Variants in ADK observed in about 807,000 individuals in gnomAD.
ADK encodes N6,N6-dimethyladenosine kinase.
In ADK, 24 loss-of-function variants were observed where a neutral mutation model predicts 44.7. The observed-to-expected ratio is 0.54, with a 90% CI of 0.39 to 0.76. The LOEUF is 0.76. ADK is among the 30% of genes least tolerant of loss of function. The probability of loss-of-function intolerance (pLI) is 0.00; values close to 1 mark genes in which losing one functional copy is unlikely to be tolerated. For synonymous variants in ADK, 128 were observed against 142.6 expected (o/e 0.90, Z 0.73); for missense variants, 321 against 425.1 (o/e 0.76, Z 2.15).
At chr10:74,401,639 T>C (rs1451756428) in intron 6 of ADK, among the ~76,000 whole-genome samples, 1 of 152,178 alleles carries the variant, frequency 6.6e-6, no homozygotes, top group Non-Finnish European at 1.5e-5. Flanking sequence ...TGTGTGTCTC[T>C]GCATGTGAGA....
intron 3 of ADK, among the ~76,000 whole-genome samples, chr10:74,230,303 C>G (rs1396539658): frequency 6.6e-6 from 1 of 151,340 alleles, no homozygotes; most frequent in African/African-American, 2.4e-5. Flanking sequence ...AGAAATGAAC[C>G]CTTGAACCAA....
chr10:74,362,855 C>T (rs553974920), intron 4 of ADK, among the ~76,000 whole-genome samples: 2 of 152,334 alleles, frequency 1.3e-5, no homozygotes, highest in Admixed American at 1.3e-4. Context: ...AGATGGACCT[C>T]GGGAAGACCC....
chr10:74,188,846 T>C (rs764052751), intron 1 of ADK, among the ~76,000 whole-genome samples: 4 of 151,988 alleles, frequency 2.6e-5, no homozygotes, highest in Non-Finnish European at 5.9e-5. Flanking sequence ...GATCTTCGTT[T>C]ACTGCAACCT....
rs926499115 is a variant in ADK at position 74,675,381 on chromosome 10, G to A, written c.964+5112G>A. Reference sequence around the variant, plus strand: ...AATTAAATTCGTAGTTCCATCTCACGGGTTTAGTGACAGTAACAAATCCCT... The same window carrying A: ...AATTAAATTCGTAGTTCCATCTCACAGGTTTAGTGACAGTAACAAATCCCT... On this transcript the variant is annotated intron_variant, in intron 10 of 10. Transcript: ENST00000539909. Among the ~76,000 whole-genome samples, 29 of 152,082 alleles carry A rather than the reference G, an allele frequency of 1.9e-4. 1 individual carries two copies. The highest frequency in any genetic ancestry group is 5.3e-4 in the African/African-American group (22 of 41,396).
At chr10:74,511,686 C>G (rs890387250) in intron 6 of ADK, among the ~76,000 whole-genome samples, 1 of 152,058 alleles carries the variant, frequency 6.6e-6, no homozygotes, top group Non-Finnish European at 1.5e-5. Context: ...TTTATCAGTT[C>G]TAAGAGTTTT....
chr10:74,338,806 G>A (rs1219539285), intron 4 of ADK, among the ~76,000 whole-genome samples: 1 of 152,176 alleles, frequency 6.6e-6, no homozygotes, highest in Non-Finnish European at 1.5e-5. Context: ...GGGAGTTGCA[G>A]GAGAGGGCTT....
intron 4 of ADK, among the ~76,000 whole-genome samples, chr10:74,381,118 T>C (rs1842965325): frequency 6.6e-6 from 1 of 152,220 alleles, no homozygotes; most frequent in Admixed American, 6.5e-5. Context: ...AATTGTTCTT[T>C]GTCAAGTTAA....
In ADK at chr10:74,610,767, G is replaced by A. The variant is rs572154958; in HGVS notation, c.877+10274G>A. On this transcript the variant is annotated intron_variant, in intron 9 of 10. Coordinates refer to ENST00000539909, the MANE Select transcript of ADK (RefSeq NM_006721.4). ...TGTTTATAAACTGGAAAAACTAACAGTGTTCTTTACCTGTTGGAGAGCAAC... is the reference window on the plus strand; with the variant it reads ...TGTTTATAAACTGGAAAAACTAACAATGTTCTTTACCTGTTGGAGAGCAAC... Among the ~76,000 whole-genome samples the A allele has an allele frequency of 3.3e-5, 5 of 152,096 alleles. No homozygotes were observed. The South Asian group carries it at 8.4e-4, about 25-fold the overall frequency.
chr10:74,504,735 A>C (rs936678732), intron 6 of ADK, among the ~76,000 whole-genome samples: 1 of 152,076 alleles, frequency 6.6e-6, no homozygotes, highest in East Asian at 1.9e-4. Flanking sequence ...TGTTCTTGTG[A>C]TAGTGAGTTC....
intron 7 of ADK, among the ~76,000 whole-genome samples, chr10:74,541,743 T>G (rs1849634046): frequency 6.9e-6 from 1 of 144,222 alleles, no homozygotes; most frequent in African/African-American, 2.6e-5. Flanking sequence ...CATTGAGCCA[T>G]GATTGCCACC....
At chr10:74,502,506 C>T (rs1847917514) in intron 6 of ADK, among the ~76,000 whole-genome samples, 1 of 152,002 alleles carries the variant, frequency 6.6e-6, no homozygotes, top group Non-Finnish European at 1.5e-5. Context: ...CTGCAACCTT[C>T]TATGATTGCA....
At chr10:74,203,685 T>C (rs1274729956) in intron 2 of ADK, among the ~76,000 whole-genome samples, 1 of 152,034 alleles carries the variant, frequency 6.6e-6, no homozygotes, top group Non-Finnish European at 1.5e-5. Context: ...TGTACGACAC[T>C]GTTTTGATTA....
chr10:74,355,905 A>G (rs559126307), intron 4 of ADK, among the ~76,000 whole-genome samples: 1 of 151,980 alleles, frequency 6.6e-6, no homozygotes, highest in Non-Finnish European at 1.5e-5. Flanking sequence ...TTTGCCAATC[A>G]ATCCACGGTA....
intron 7 of ADK, among the ~76,000 whole-genome samples, chr10:74,576,967 T>G (rs1488787073): frequency 6.6e-6 from 1 of 152,130 alleles, no homozygotes; most frequent in Non-Finnish European, 1.5e-5. Flanking sequence ...GCTATTTCAT[T>G]ATTAAATGCA....
intron 9 of ADK, among the ~76,000 whole-genome samples, chr10:74,607,578 T>C (rs1336464692): frequency 6.6e-6 from 1 of 152,244 alleles, no homozygotes; most frequent in African/African-American, 2.4e-5. Flanking sequence ...TTCTGGCTTA[T>C]AGGGTTTCTG....
intron 9 of ADK, chr10:74,661,238 G>A (rs1180294316): frequency 1.2e-6 from 1 of 808,940 alleles, no homozygotes; most frequent in Non-Finnish European, 1.5e-6. Flanking sequence ...GTTAACTGCT[G>A]TGTAACAATG....
intron 6 of ADK, among the ~76,000 whole-genome samples, chr10:74,439,094 G>A (rs1402668466): frequency 6.6e-6 from 1 of 152,144 alleles, no homozygotes; most frequent in East Asian, 1.9e-4. Flanking sequence ...GTACTAAAAG[G>A]TGAGAAAGTT....
chr10:74,281,453 T>C (rs1166255809), intron 3 of ADK, among the ~76,000 whole-genome samples: 1 of 152,214 alleles, frequency 6.6e-6, no homozygotes, highest in East Asian at 1.9e-4. Context: ...TCCTAGACAT[T>C]AAATTGTTAC....
At chr10:74,398,385 C>A in intron 5 of ADK, 86 bp from the exon 6 acceptor site, 1 of 795,612 alleles carries the variant, frequency 1.3e-6, no homozygotes, top group Non-Finnish European at 2.0e-6. Context: ...AAATTTTAAA[C>A]TTTGCAAAAA....
Sources: allele counts gnomAD v4.1 joint callset (sites outside exome capture counted in the v4.1 genomes callset), GRCh38; gene constraint gnomAD v4.1.1; transcripts MANE v1.5; gene names NCBI Gene and HGNC (gene_info 2026-07-23, HGNC 2026-07-21).